COL25A1: variants seen among roughly 807,000 people sequenced by gnomAD.
COL25A1 encodes the protein collagen alpha-1(XXV) chain.
A neutral mutation model predicts 128.4 loss-of-function variants in COL25A1; 103 were observed. That is an observed-to-expected ratio of 0.80 (90% CI 0.68 to 0.94). The LOEUF is 0.94. Among genes scored for constraint, COL25A1 ranks in the 40% least tolerant of loss-of-function variants. The probability of loss-of-function intolerance (pLI) is 0.00; values close to 1 mark genes in which losing one functional copy is unlikely to be tolerated. For missense variants in COL25A1, 745 were observed against 840.0 expected (o/e 0.89, Z 1.40); for synonymous variants, 279 against 277.2 (o/e 1.01, Z -0.06).
At chr4:109,079,599 A>G (rs1460418021) in intron 3 of COL25A1, among the ~76,000 whole-genome samples, 1 of 152,158 alleles carries the variant, frequency 6.6e-6, no homozygotes, top group African/African-American at 2.4e-5. Context: ...AGATAGCTAA[A>G]AAGTGCACAC....
At chr4:108,978,592 A>G (rs1752664214) in intron 6 of COL25A1, among the ~76,000 whole-genome samples, 3 of 152,244 alleles carry the variant, frequency 2.0e-5, no homozygotes, top group Admixed American at 2.0e-4. Flanking sequence ...ACTAAAGGAT[A>G]GGCAGCAATA....
At chr4:109,057,607 T>G (rs533515730) in intron 3 of COL25A1, among the ~76,000 whole-genome samples, 1 of 151,872 alleles carries the variant, frequency 6.6e-6, no homozygotes, top group East Asian at 1.9e-4. Flanking sequence ...GTGAAAATTT[T>G]AACAATTGCC....
At chr4:108,847,062 T>G (rs1735200609) in intron 27 of COL25A1, among the ~76,000 whole-genome samples, 1 of 151,906 alleles carries the variant, frequency 6.6e-6, no homozygotes, top group Admixed American at 6.6e-5. Flanking sequence ...TGCGCCACCA[T>G]GCCCAGGTAA....
rs767509761 is a variant in COL25A1, at chr4:109,288,960, TATAC to T, written c.367+11619_367+11622del. Among the ~76,000 whole-genome samples the T allele has an allele frequency of 6.6e-3, 651 of 98,282 alleles. 3 individuals carry two copies. The highest frequency in any genetic ancestry group is 0.011 in the African/African-American group (244 of 22,706). 64.5% of individuals were successfully genotyped at this position (98,282 alleles called of 152,430 possible). ...TTACTACCAGGAATACTAAATTATATATACACACACACACACACACACACACACA... is the reference window on the plus strand; with the variant it reads ...TTACTACCAGGAATACTAAATTATATACACACACACACACACACACACACA... On this transcript the variant is annotated intron_variant, in intron 3 of 37. Transcript: ENST00000399132.
intron 24 of COL25A1, among the ~76,000 whole-genome samples, chr4:108,855,752 A>G (rs923168836): frequency 6.6e-6 from 1 of 152,164 alleles, no homozygotes; most frequent in Non-Finnish European, 1.5e-5. Context: ...AAATTGTATA[A>G]TGTTCCATCC....
At chr4:109,282,517 T>A (rs924221535) in intron 3 of COL25A1, among the ~76,000 whole-genome samples, 21 of 152,106 alleles carry the variant, frequency 1.4e-4, no homozygotes, top group African/African-American at 4.6e-4. Context: ...AGTGGAAAAA[T>A]GAACTGAGAT....
At chr4:109,266,076 G>A (rs1033211360) in intron 3 of COL25A1, among the ~76,000 whole-genome samples, 4 of 152,092 alleles carry the variant, frequency 2.6e-5, no homozygotes, top group Admixed American at 6.6e-5. Flanking sequence ...CCGTTAAAGA[G>A]TTAAAAGCTT....
At chr4:109,265,518 C>CGTGT (rs57643656) in intron 3 of COL25A1, among the ~76,000 whole-genome samples, 9,414 of 129,590 alleles carry the variant, frequency 0.073, 379 homozygotes, top group Non-Finnish European at 0.095. Context: ...AATAACAGTA[C>CGTGT]GTGTGTGTGT....
At chr4:108,850,126 T>C (rs1192651574) in intron 26 of COL25A1, among the ~76,000 whole-genome samples, 2 of 152,182 alleles carry the variant, frequency 1.3e-5, no homozygotes, top group Admixed American at 1.3e-4. Context: ...GGCTTTTCCC[T>C]TTAAAATATG....
At chr4:108,907,719 C>A (rs1743699217) in intron 13 of COL25A1, among the ~76,000 whole-genome samples, 1 of 152,216 alleles carries the variant, frequency 6.6e-6, no homozygotes, top group Non-Finnish European at 1.5e-5. Context: ...TGTGTTTCTT[C>A]TATTGAAGCA....
At chr4:109,299,020 C>T (rs1725254278) in intron 3 of COL25A1, among the ~76,000 whole-genome samples, 1 of 152,208 alleles carries the variant, frequency 6.6e-6, no homozygotes, top group East Asian at 1.9e-4. Flanking sequence ...AGCTAGCCTA[C>T]ATTAAACATC....
intron 3 of COL25A1, among the ~76,000 whole-genome samples, chr4:109,165,721 G>C (rs1335831280): frequency 6.6e-6 from 1 of 152,058 alleles, no homozygotes; most frequent in Non-Finnish European, 1.5e-5. Context: ...TCTCAAAAAA[G>C]ATAATAATAA....
At chr4:108,859,861 C>T (rs1380995910) in intron 23 of COL25A1, 128 bp from the exon 24 acceptor site, 3 of 609,366 alleles carry the variant, frequency 4.9e-6, no homozygotes, top group Non-Finnish European at 5.8e-6. Flanking sequence ...CCCAACTGTA[C>T]TTTAGAATAT....
At position 108,812,581 on chromosome 4, in the gene COL25A1, T is replaced by C. The variant is rs1289365446; in HGVS notation, c.*1346A>G. On this transcript the variant is annotated 3_prime_UTR_variant, in exon 38 of 38. Coordinates refer to ENST00000399132, the MANE Select transcript of COL25A1 (RefSeq NM_198721.4). ...GACTACTGGAGCCAAATTATTATGATTTGAAGACTTCTTAAAAAAATTGTT... is the reference window on the plus strand; with the variant it reads ...GACTACTGGAGCCAAATTATTATGACTTGAAGACTTCTTAAAAAAATTGTT... 6.6e-6 allele frequency: 1 copy of C among 152,172 alleles called. No homozygotes were observed. The highest frequency in any genetic ancestry group is 2.4e-5 in the African/African-American group (1 of 41,444). 9.4% of individuals were successfully genotyped at this position (152,172 alleles called of 1,614,324 possible).
chr4:109,075,976 A>G (rs1401918418), intron 3 of COL25A1, among the ~76,000 whole-genome samples: 1 of 152,222 alleles, frequency 6.6e-6, no homozygotes, highest in Non-Finnish European at 1.5e-5. Flanking sequence ...TGTAGTGAAC[A>G]TGTGCAGACT....
intron 3 of COL25A1, among the ~76,000 whole-genome samples, chr4:109,204,420 T>C (rs76611547): frequency 6.6e-6 from 1 of 152,178 alleles, no homozygotes; most frequent in African/African-American, 2.4e-5. Flanking sequence ...TCCGCCCATG[T>C]CTTAGGAATA....
At chr4:109,233,649 A>C (rs1779293210) in intron 3 of COL25A1, among the ~76,000 whole-genome samples, 1 of 152,116 alleles carries the variant, frequency 6.6e-6, no homozygotes, top group Non-Finnish European at 1.5e-5. Context: ...ATCATGTAGG[A>C]GACAGGTAAG....
chr4:108,871,664 A>C (rs1185640111), intron 19 of COL25A1, among the ~76,000 whole-genome samples: 1 of 152,162 alleles, frequency 6.6e-6, no homozygotes, highest in Non-Finnish European at 1.5e-5. Flanking sequence ...ATACCTGATT[A>C]TGCCACTTTA....
chr4:108,852,842 G>GGCAT (rs1178282520), intron 25 of COL25A1, 60 bp downstream of exon 25: 3 of 1,365,966 alleles, frequency 2.2e-6, no homozygotes, highest in Admixed American at 3.8e-5. Flanking sequence ...CATTTTGGCT[G>GGCAT]GCATGCATCA....
Sources: allele counts gnomAD v4.1 joint callset (sites outside exome capture counted in the v4.1 genomes callset), GRCh38; gene constraint gnomAD v4.1.1; transcripts MANE v1.5; gene names NCBI Gene and HGNC (gene_info 2026-07-23, HGNC 2026-07-21).